Variants in ZNF462 observed in about 807,000 individuals in gnomAD.
ZNF462 encodes zinc finger protein 462, also known as zinc finger PBX1-interacting protein.
Under a neutral mutation model 201.9 loss-of-function variants are expected in ZNF462, and 10 were observed. The observed-to-expected ratio is 0.05, with a 90% confidence interval of 0.03 to 0.08. ZNF462 has a LOEUF of 0.08. ZNF462 is among the 10% of genes least tolerant of loss of function. The pLI is 1.00. For missense variants in ZNF462, 2,523 were observed against 3,168.3 expected (o/e 0.80, Z 4.89); for synonymous variants, 1,227 against 1,193.3 (o/e 1.03, Z -0.58).
rs942129133 is a variant in ZNF462 at position 106,905,109 on chromosome 9, G to A, written c.-30-18245G>A. Among the ~76,000 whole-genome samples, 9 of 152,156 alleles carry A rather than the reference G, an allele frequency of 5.9e-5. No homozygotes were observed. Among genetic ancestry groups the A allele is most frequent in the African/African-American group, 2.2e-4 (9 of 41,430 alleles). ...GTTGTTCAGATTCTTTTGTCCCAAG[G>A]GGTGTTCCCTTGATGTGTAGTACTC... On this transcript the variant is annotated intron_variant, in intron 1 of 12. Coordinates refer to ENST00000277225, the MANE Select transcript of ZNF462 (RefSeq NM_021224.6). The surrounding 1 kb of genome is among the most constrained non-coding windows in gnomAD (Gnocchi z 5.9).
At position 106,965,045 on chromosome 9, in the gene ZNF462, G is replaced by A. The variant is rs1360454457; in HGVS notation, c.6428-6960G>A. The stretch of plus-strand genomic sequence containing the variant: ...TAATATGAGGTATAATGAGATCAGG[G>A]CAAGAATCACAATGTGTATGTATTG... On this transcript the variant is annotated intron_variant, in intron 7 of 12. Coordinates refer to ENST00000277225, the MANE Select transcript of ZNF462 (RefSeq NM_021224.6). Among the ~76,000 whole-genome samples the A allele has an allele frequency of 2.6e-5, 4 of 152,178 alleles. 1 individual carries two copies. In the East Asian group the frequency reaches 5.8e-4, roughly 22 times the overall value.
In ZNF462 at chr9:107,009,369, C is replaced by G; in HGVS notation, c.7190-176C>G. The G allele has an allele frequency of 1.3e-6, 1 of 751,770 alleles. No individual in the cohort carries two copies. Among genetic ancestry groups the G allele is most frequent in the Non-Finnish European group, 2.0e-6 (1 of 489,812 alleles). The allele number at this position is 751,770 out of a possible 1,614,324, so 46.6% of individuals were successfully genotyped here. On this transcript the variant is annotated intron_variant, in intron 11 of 12. Transcript: ENST00000277225. The surrounding 1 kb of genome is among the most constrained non-coding windows in gnomAD (Gnocchi z 6.1). Reference sequence around the variant, plus strand: ...AAGAACCAGAAACAGTTCTCGAATGCTATTCAAGGAATGCCCTAAGGGGGA... The same window carrying G: ...AAGAACCAGAAACAGTTCTCGAATGGTATTCAAGGAATGCCCTAAGGGGGA...
upstream of ZNF462, among the ~76,000 whole-genome samples, chr9:106,860,935 C>T (rs1564059823): frequency 6.6e-6 from 1 of 151,902 alleles, no homozygotes; most frequent in African/African-American, 2.4e-5. This position sits in a 1 kb window ranked among gnomAD's most constrained non-coding sequence, Gnocchi z 7.1. Flanking sequence ...CTCCTCCTCT[C>T]TCCTTTCTTC....
At chr9:106,891,437 C>T (rs1448422696) in intron 1 of ZNF462, among the ~76,000 whole-genome samples, 2 of 152,070 alleles carry the variant, frequency 1.3e-5, no homozygotes, top group Non-Finnish European at 2.9e-5. Context: ...CTGCCTCTCC[C>T]CTTCTCTGTG....
rs371207334 is a variant in ZNF462 at position 106,984,435 on chromosome 9, G to A, written c.7056+26G>A. On this transcript the variant is annotated intron_variant, in intron 10 of 12. Transcript: ENST00000277225. The surrounding 1 kb of genome is among the most constrained non-coding windows in gnomAD (Gnocchi z 6.4). ...GTACTTACCAGGACTTCCTGCTCCC[G>A]CCTCAGCACACTTGTGGGGAGGGGC... 974 of 1,584,328 alleles carry A rather than the reference G, an allele frequency of 6.1e-4. No individual in the cohort carries two copies. Among genetic ancestry groups the A allele is most frequent in the Non-Finnish European group, 7.4e-4 (863 of 1,162,570 alleles).
rs1208908916 is a variant in ZNF462 at position 106,963,555 on chromosome 9, C to G, written c.6428-8450C>G. Among the ~76,000 whole-genome samples, 1 of 151,956 alleles carries G rather than the reference C, an allele frequency of 6.6e-6. No homozygotes were observed. The highest frequency in any genetic ancestry group is 1.5e-5 in the Non-Finnish European group (1 of 67,956). On this transcript the variant is annotated intron_variant, in intron 7 of 12. Coordinates refer to ENST00000277225, the MANE Select transcript of ZNF462 (RefSeq NM_021224.6). The surrounding 1 kb of genome is among the most constrained non-coding windows in gnomAD (Gnocchi z 4.7). ...TGTGTGCCTGTATAGCACGGCTGTC[C>G]ACAAATTCAATCTAATGGATATTTT...
At chr9:106,871,775 C>T (rs569374873) in intron 1 of ZNF462, among the ~76,000 whole-genome samples, 67 of 152,090 alleles carry the variant, frequency 4.4e-4, no homozygotes, top group Non-Finnish European at 8.1e-4. Flanking sequence ...TCCTGGAAAA[C>T]GAACGAAGTA....
At chr9:106,878,849 A>G (rs763981559) in intron 1 of ZNF462, among the ~76,000 whole-genome samples, 3 of 152,232 alleles carry the variant, frequency 2.0e-5, no homozygotes, top group Non-Finnish European at 4.4e-5. Context: ...ATTTACTCCA[A>G]AATATCTTGT....
chr9:106,991,891 A>G (rs2132421270), intron 10 of ZNF462, among the ~76,000 whole-genome samples: 1 of 150,506 alleles, frequency 6.6e-6, no homozygotes, highest in East Asian at 2.0e-4. Context: ...CAACAATCAA[A>G]ATGGACCGTA....
At chr9:106,967,896 T>G (rs767313693) in intron 7 of ZNF462, among the ~76,000 whole-genome samples, 12 of 152,218 alleles carry the variant, frequency 7.9e-5, no homozygotes, top group Admixed American at 1.3e-4. Context: ...TTATTTTTTT[T>G]CATAATGCTT....
At chr9:106,878,522 T>G (rs773281811) in intron 1 of ZNF462, among the ~76,000 whole-genome samples, 14 of 152,222 alleles carry the variant, frequency 9.2e-5, no homozygotes, top group Non-Finnish European at 1.9e-4. Flanking sequence ...CTTACTGAGC[T>G]CCTCCTTTTG....
At chr9:106,941,877 C>T (rs1830887135) in intron 7 of ZNF462, among the ~76,000 whole-genome samples, 1 of 152,188 alleles carries the variant, frequency 6.6e-6, no homozygotes, top group African/African-American at 2.4e-5. Context: ...TTCCTAGAAA[C>T]AGCTAAGTCT....
At chr9:106,985,333 A>G (rs574698989) in intron 10 of ZNF462, among the ~76,000 whole-genome samples, 1 of 152,266 alleles carries the variant, frequency 6.6e-6, no homozygotes, top group East Asian at 1.9e-4. Flanking sequence ...TGTAAAATAT[A>G]TGTTTTGGGA....
At position 106,926,752 on chromosome 9, in the gene ZNF462, T is replaced by C; in HGVS notation, c.2840T>C (p.Met947Thr). Reference protein sequence around the residue: ...VRSLMPHYQRMHPTVKINNAM... With the variant: ...VRSLMPHYQRTHPTVKINNAM... ...AGCCTGATGCCACATTACCAAAGAA[T>C]GCATCCCACGGTGAAGATCAACAAC... Residue 947 changes from methionine to threonine, a missense_variant, in exon 3 of 13, where the codon ATG (methionine) becomes ACG (threonine). By Grantham distance (81) the Met-to-Thr change is moderately conservative. Transcript: ENST00000277225. The surrounding 1 kb of genome is among the most constrained non-coding windows in gnomAD (Gnocchi z 7.9). 2 of 1,614,084 alleles carry C rather than the reference T, an allele frequency of 1.2e-6. No individual in the cohort carries two copies. Among genetic ancestry groups the C allele is most frequent in the Non-Finnish European group, 1.7e-6 (2 of 1,180,008 alleles).
Position 106,972,072 on chromosome 9 carries a change from A to G in ZNF462, c.6495A>G (p.Ala2165=), listed in dbSNP as rs762157961. ...QLNHYQSAAL[A]RNNSRVSPVP... ...ACCACTATCAGTCAGCTGCCCTGGC[A>G]AGGAACAACAGCCGTGTTAGCCCTG... is the stretch of plus-strand genomic sequence containing the variant. Residue 2165 remains alanine (A), a synonymous_variant, in exon 8 of 13, where the codon GCA becomes GCG. Transcript: ENST00000277225. This position sits in a 1 kb window ranked among gnomAD's most constrained non-coding sequence, Gnocchi z 4.8. The G allele has an allele frequency of 5.6e-6, 9 of 1,614,180 alleles. No homozygotes were observed. In the South Asian group the frequency reaches 8.8e-5, roughly 16 times the overall value.
chr9:106,924,784 A>C lies in ZNF462; in HGVS notation c.872A>C (p.Lys291Thr). 1 of 1,614,160 alleles carries C rather than the reference A, an allele frequency of 6.2e-7. No homozygotes were observed. The highest frequency in any genetic ancestry group is 8.5e-7 in the Non-Finnish European group (1 of 1,180,024). Reference sequence around the variant, plus strand: ...ACTAATCTACCTGATGTGCCGAACAAGAGTGCCCCCAGCCCCACTTCCAAC... The same window carrying C: ...ACTAATCTACCTGATGTGCCGAACACGAGTGCCCCCAGCCCCACTTCCAAC... ...EGTNLPDVPN[K>T]SAPSPTSNST... is the part of the protein sequence containing the mutation. The change falls in exon 3 of 13, where the codon AAG (lysine) becomes ACG (threonine). Residue 291 changes from lysine (K) to threonine (T), a missense_variant. Coordinates refer to ENST00000277225, the MANE Select transcript of ZNF462 (RefSeq NM_021224.6). The surrounding 1 kb of genome is among the most constrained non-coding windows in gnomAD (Gnocchi z 6.2).
In ZNF462 at chr9:107,003,451, T is replaced by C. The variant is rs780547499; in HGVS notation, c.7189+25T>C. The C allele has an allele frequency of 1.9e-6, 3 of 1,611,104 alleles. No homozygotes were observed. The highest frequency in any genetic ancestry group is 1.7e-6 in the Non-Finnish European group (2 of 1,178,926). ...GGTTAGTCTCATCCTGCCCTCCCAATCCCAGATGGCATCTGGCATGTCCGT... is the reference window on the plus strand; with the variant it reads ...GGTTAGTCTCATCCTGCCCTCCCAACCCCAGATGGCATCTGGCATGTCCGT... On this transcript the variant is annotated intron_variant, in intron 11 of 12. Coordinates refer to ENST00000277225, the MANE Select transcript of ZNF462 (RefSeq NM_021224.6). This position sits in a 1 kb window ranked among gnomAD's most constrained non-coding sequence, Gnocchi z 4.4.
At chr9:106,906,382 C>G (rs557988245) in intron 1 of ZNF462, among the ~76,000 whole-genome samples, 1 of 152,294 alleles carries the variant, frequency 6.6e-6, no homozygotes, top group East Asian at 1.9e-4. Context: ...CTGCCTGGAG[C>G]TACAATCTAT....
At position 106,972,402 on chromosome 9, in the gene ZNF462, T is replaced by C; in HGVS notation, c.6695+130T>C. ...CCTGCCCATGTGATGATGTAGGGGTTGGGTCCAGGCTTCATGGAAGGAGGG... is the reference window on the plus strand; with the variant it reads ...CCTGCCCATGTGATGATGTAGGGGTCGGGTCCAGGCTTCATGGAAGGAGGG... On this transcript the variant is annotated intron_variant, in intron 8 of 12. Coordinates refer to ENST00000277225, the MANE Select transcript of ZNF462 (RefSeq NM_021224.6). The surrounding 1 kb of genome is among the most constrained non-coding windows in gnomAD (Gnocchi z 4.8). The C allele has an allele frequency of 1.5e-6, 2 of 1,335,906 alleles. No individual in the cohort carries two copies. The highest frequency in any genetic ancestry group is 2.0e-6 in the Non-Finnish European group (2 of 985,616). 82.8% of individuals were successfully genotyped at this position (1,335,906 alleles called of 1,614,324 possible). A position where few individuals can be genotyped will look rare whatever the true frequency, so the allele number is the denominator to read the frequency against.
Sources: gnomAD v4.1 joint callset for allele counts (sites outside exome capture counted in the v4.1 genomes callset) on GRCh38, gnomAD v4.1.1 for gene constraint, Gnocchi (gnomAD v3.1) non-coding constraint, MANE v1.5 for transcripts, NCBI Gene and HGNC (gene_info 2026-07-23, HGNC 2026-07-21) for gene names.